The following GPR161 variants were observed in gnomAD, a reference collection of about 807,000 sequenced individuals.
The protein encoded by GPR161 is G-protein coupled receptor RE2.
A neutral mutation model predicts 39.2 loss-of-function variants in GPR161; 25 were observed. That is an observed-to-expected ratio of 0.64 (90% CI 0.47 to 0.89). GPR161 has a LOEUF of 0.89. GPR161 is among the 40% of genes least tolerant of loss of function. The pLI is 0.00. For missense variants in GPR161, 547 were observed against 677.8 expected, an observed-to-expected ratio of 0.81 and a Z score of 2.14; for synonymous variants, 286 against 276.6, an observed-to-expected ratio of 1.03 and a Z score of -0.34.
chr1:168,110,218 T>C (rs973631999), intron 1 of GPR161, among the ~76,000 whole-genome samples: 1 of 150,434 alleles, frequency 6.6e-6, no homozygotes, highest in East Asian at 2.2e-4. Context: ...AGAAAAAATA[T>C]GGTGGCCAGG....
rs1433752139 is a variant in GPR161, at chr1:168,097,038, G to A, written c.569C>T (p.Ala190Val). 6.2e-7 allele frequency: 1 copy of A among 1,614,118 alleles called. No homozygotes were observed. The highest frequency in any genetic ancestry group is 1.1e-5 in the South Asian group (1 of 91,076). Residue 190 changes from alanine (A) to valine (V), a missense_variant, in exon 3 of 6, where the codon GCC (alanine) becomes GTC (valine). By Grantham distance (64) the Ala-to-Val change is moderately conservative (BLOSUM62 0). Transcript: ENST00000682931. ...GAGGGCACACCAGATCTGCCAGAAG[G>A]CCGTGTAGCCAGGCTCCCGGTGCCA... The part of the protein sequence containing the change: ...AAWHREPGYT[A>V]FWQIWCALFP...
Position 168,085,765 on chromosome 1 carries a change from T to C in GPR161, c.1356A>G (p.Lys452=). The change falls in exon 6 of 6, where the codon AAA becomes AAG. Residue 452 remains lysine, a synonymous_variant. Coordinates refer to ENST00000682931, the MANE Select transcript of GPR161 (RefSeq NM_001375883.1). ...TGTCCAAGGACTTGTGTACTTCAGCTTTCACATGAAGAATCGAGTTCTTGG... is the reference window on the plus strand; with the variant it reads ...TGTCCAAGGACTTGTGTACTTCAGCCTTCACATGAAGAATCGAGTTCTTGG... The part of the protein sequence containing the change: ...EAAKNSILHV[K]AEVHKSLDSY... 1 of 1,613,694 alleles carries C rather than the reference T, an allele frequency of 6.2e-7. No individual in the cohort carries two copies. Among genetic ancestry groups the C allele is most frequent in the Non-Finnish European group, 8.5e-7 (1 of 1,179,612 alleles).
chr1:168,125,446 G>A (rs757009705), intron 1 of GPR161, among the ~76,000 whole-genome samples: 6 of 152,128 alleles, frequency 3.9e-5, no homozygotes, highest in Non-Finnish European at 5.9e-5. Flanking sequence ...CATCAGAAAG[G>A]CCAATATATA....
intron 1 of GPR161, among the ~76,000 whole-genome samples, chr1:168,114,021 G>C (rs1221419324): frequency 6.6e-6 from 1 of 152,172 alleles, no homozygotes; most frequent in Non-Finnish European, 1.5e-5. Flanking sequence ...AGGGTATTGA[G>C]ACAGGTATCT....
intron 1 of GPR161, among the ~76,000 whole-genome samples, chr1:168,115,580 A>G (rs1184768885): frequency 2.6e-5 from 4 of 152,106 alleles, no homozygotes; most frequent in Non-Finnish European, 4.4e-5. Context: ...AAGGAAAGTG[A>G]GACCTCCCCC....
At chr1:168,118,604 T>C (rs1697833244) in intron 1 of GPR161, 1 of 152,030 alleles carries the variant, frequency 6.6e-6, no homozygotes, top group Admixed American at 6.6e-5. Flanking sequence ...CCCTTAAATA[T>C]ATACACATAA....
Position 168,136,311 on chromosome 1 carries a change from G to A in GPR161, c.-45+428C>T, listed in dbSNP as rs774627519. On this transcript the variant is annotated intron_variant, in intron 1 of 5. Transcript: ENST00000682931. ...GTGACCGCTTCTCCCCACACCCTTT[G>A]CCCTGAGCGGGACGTGGAGTCTCTT... 8.8e-6 allele frequency: 13 copies of A among 1,483,390 alleles called. No individual in the cohort carries two copies. In the South Asian group the frequency reaches 8.9e-5, roughly 10 times the overall value. The allele number at this position is 1,483,390 out of a possible 1,614,324, so 91.9% of individuals were successfully genotyped here.
chr1:168,100,623 C>A (rs1048056424), intron 2 of GPR161, among the ~76,000 whole-genome samples: 4 of 152,186 alleles, frequency 2.6e-5, no homozygotes, highest in African/African-American at 9.7e-5. Flanking sequence ...GCAAGCCCTG[C>A]TCTTAGTAAG....
chr1:168,099,411 C>T (rs545267269), intron 2 of GPR161, among the ~76,000 whole-genome samples: 19 of 152,296 alleles, frequency 1.2e-4, no homozygotes, highest in African/African-American at 4.3e-4. Context: ...CCTGTCACCT[C>T]GGTAGTGTAC....
Position 168,080,446 on chromosome 1 carries a change from T to TG in GPR161, c.*5084dup, listed in dbSNP as rs1427908333. 1.3e-5 allele frequency: 2 copies of TG among 152,294 alleles called. No individual in the cohort carries two copies. The highest frequency in any genetic ancestry group is 2.9e-5 in the Non-Finnish European group (2 of 68,084). 9.4% of individuals were successfully genotyped at this position (152,294 alleles called of 1,614,324 possible). On this transcript the variant is annotated 3_prime_UTR_variant, in exon 6 of 6. Coordinates refer to ENST00000682931, the MANE Select transcript of GPR161 (RefSeq NM_001375883.1). ...CCTCTCCCAACCCACAAGGACAGTA[T>TG]GGCTCTGCTCCTTCTTATAGGCATA... is the stretch of plus-strand genomic sequence containing the variant.
In GPR161 at chr1:168,096,524, A is replaced by G; in HGVS notation, c.1083T>C (p.Ile361=). ...QRQRTSRLFS[I]SNRITDLGLS... is the part of the protein sequence containing the mutation. ...CCAAGTTACCTGTGATCCTGTTGGA[A>G]ATGCTGAAGAGCCTGGAAGTCCTCT... Residue 361 remains isoleucine (I), a synonymous_variant, in exon 3 of 6, where the codon ATT becomes ATC. Coordinates refer to ENST00000682931, the MANE Select transcript of GPR161 (RefSeq NM_001375883.1). 1 of 1,613,624 alleles carries G rather than the reference A, an allele frequency of 6.2e-7. No homozygotes were observed. The highest frequency in any genetic ancestry group is 8.5e-7 in the Non-Finnish European group (1 of 1,179,770).
chr1:168,087,094 G>A (rs747763725), intron 5 of GPR161, among the ~76,000 whole-genome samples: 4 of 152,164 alleles, frequency 2.6e-5, no homozygotes, highest in Non-Finnish European at 5.9e-5. Flanking sequence ...GGAAGATATA[G>A]AGTAGAAAAA....
intron 1 of GPR161, chr1:168,135,929 T>A: frequency 1.5e-6 from 1 of 675,970 alleles, no homozygotes; most frequent in Non-Finnish European, 2.0e-6. Flanking sequence ...CTCCAAGATG[T>A]GATATAAAGC....
intron 1 of GPR161, among the ~76,000 whole-genome samples, chr1:168,112,195 T>G (rs562768411): frequency 1.3e-5 from 2 of 151,990 alleles, no homozygotes; most frequent in Admixed American, 1.3e-4. Flanking sequence ...AGAAAAAAAT[T>G]TGGGACCAGG....
chr1:168,101,240 T>G (rs1180735981), intron 2 of GPR161, among the ~76,000 whole-genome samples: 1 of 152,150 alleles, frequency 6.6e-6, no homozygotes, highest in Non-Finnish European at 1.5e-5. Flanking sequence ...TAACTCGTCA[T>G]TTAGCATTAG....
chr1:168,129,744 T>C (rs1698848880), intron 1 of GPR161, among the ~76,000 whole-genome samples: 1 of 152,230 alleles, frequency 6.6e-6, no homozygotes, highest in African/African-American at 2.4e-5. Context: ...GAGTTACCCA[T>C]AGTCATAGAC....
rs748140638 is a variant in GPR161 at position 168,085,613 on chromosome 1, C to T, written c.1508G>A (p.Arg503Gln). 10 of 1,613,774 alleles carry T rather than the reference C, an allele frequency of 6.2e-6. No individual in the cohort carries two copies. The African/African-American group carries it at 6.7e-5, about 11-fold the overall frequency. The change falls in exon 6 of 6, where the codon CGA becomes CAA. Residue 503 changes from arginine to glutamine, a missense_variant. By Grantham distance (43) the Arg-to-Gln change is conservative. Coordinates refer to ENST00000682931, the MANE Select transcript of GPR161 (RefSeq NM_001375883.1). The part of the protein sequence containing the change: ...TVPGGGFGGR[R>Q]GSRTLVSQRL... Reference sequence around the variant, plus strand: ...CTGGCTCACAAGAGTTCTGCTGCCTCGGCGGCCCCCGAAGCCGCCCCCCGG... The same window carrying T: ...CTGGCTCACAAGAGTTCTGCTGCCTTGGCGGCCCCCGAAGCCGCCCCCCGG...
chr1:168,126,544 T>TG (rs1316855280), intron 1 of GPR161, among the ~76,000 whole-genome samples: 1 of 152,126 alleles, frequency 6.6e-6, no homozygotes, highest in East Asian at 1.9e-4. Flanking sequence ...CTCGAACTCT[T>TG]GGACTCAGGT....
At chr1:168,136,641 C>T in intron 1 of GPR161, 98 bp downstream of exon 1, 3 of 1,214,348 alleles carry the variant, frequency 2.5e-6, no homozygotes, top group South Asian at 4.1e-5. Context: ...CCGGCCCGCG[C>T]CCTGAGCCCT....
Sources: gnomAD v4.1 joint callset for allele counts (sites outside exome capture counted in the v4.1 genomes callset) on GRCh38, gnomAD v4.1.1 for gene constraint, MANE v1.5 for transcripts, NCBI Gene and HGNC (gene_info 2026-07-23, HGNC 2026-07-21) for gene names.